LAMA5: variants seen among roughly 807,000 people sequenced by gnomAD.
LAMA5 encodes the protein laminin subunit alpha-5.
Under a neutral mutation model 433.4 loss-of-function variants are expected in LAMA5, and 260 were observed. The observed-to-expected ratio is 0.60, with a 90% confidence interval of 0.54 to 0.66. The LOEUF (loss-of-function observed/expected upper bound fraction) is 0.66, where lower values mean the gene tolerates loss of function less well. Among genes scored for constraint, LAMA5 ranks in the 30% least tolerant of loss-of-function variants. LAMA5 has a pLI of 0.00. For missense variants in LAMA5, 5,378 were observed against 5,258.5 expected (o/e 1.02, Z -0.70); for synonymous variants, 2,620 against 2,226.6 (o/e 1.18, Z -4.97).
At position 62,313,861 on chromosome 20, in the gene LAMA5, G is replaced by A. The variant is rs556138357; in HGVS notation, c.8505-59C>T. On this transcript the variant is annotated intron_variant, in intron 62 of 79. Transcript: ENST00000252999. ...CGGAGAGATGAGGGGTGGCGAGTGG[G>A]CACGGAGAGATGAGGGGTGGCGAGT... The A allele has an allele frequency of 3.7e-4, 539 of 1,452,318 alleles. 3 individuals are homozygous for A. The African/African-American group carries it at 5.6e-3, about 15-fold the overall frequency. The allele number at this position is 1,452,318 out of a possible 1,614,324, so 90.0% of individuals were successfully genotyped here. A position where few individuals can be genotyped will look rare whatever the true frequency, so the allele number is the denominator to read the frequency against.
At chr20:62,315,313 A>C in intron 58 of LAMA5, 106 bp from the exon 59 acceptor site, 2 of 979,056 alleles carry the variant, frequency 2.0e-6, no homozygotes, top group South Asian at 1.6e-5. Flanking sequence ...CCAACCCCCT[A>C]TGGATCGTGT....
Position 62,367,019 on chromosome 20 carries a change from G to A in LAMA5, c.227C>T (p.Pro76Leu), listed in dbSNP as rs1986808308. Residue 76 changes from proline (P) to leucine (L), a missense_variant, in exon 1 of 80, where the codon CCC becomes CTC. By Grantham distance (98) the Pro-to-Leu change is moderately conservative. Coordinates refer to ENST00000252999, the MANE Select transcript of LAMA5 (RefSeq NM_005560.6). ...EEAPARGSPRPTEDLYCKLVG... is the reference protein window; with the variant it reads ...EEAPARGSPRLTEDLYCKLVG... The stretch of plus-strand genomic sequence containing the variant: ...CAGCTTGCAGTAAAGGTCCTCGGTG[G>A]GGCGCGGGGAGCCGCGCGCCGGGGC... The A allele has an allele frequency of 7.8e-7, 1 of 1,280,538 alleles. No individual in the cohort carries two copies. The highest frequency in any genetic ancestry group is 9.8e-7 in the Non-Finnish European group (1 of 1,016,172). 79.3% of individuals were successfully genotyped at this position (1,280,538 alleles called of 1,614,324 possible). A position where few individuals can be genotyped will look rare whatever the true frequency, so the allele number is the denominator to read the frequency against.
At chr20:62,366,835 C>T (rs993324687) in intron 1 of LAMA5, 114 bp downstream of exon 1, 5 of 1,220,572 alleles carry the variant, frequency 4.1e-6, no homozygotes, top group East Asian at 6.4e-5. Context: ...AATGCGGAAC[C>T]AGAGAGTCCG....
At chr20:62,315,739 G>C (rs1986869246) in intron 58 of LAMA5, among the ~76,000 whole-genome samples, 1 of 152,186 alleles carries the variant, frequency 6.6e-6, no homozygotes, top group African/African-American at 2.4e-5. Context: ...GCACTTCCAA[G>C]CTTGCCAGGC....
chr20:62,321,346 A>C (rs59710383), intron 48 of LAMA5, among the ~76,000 whole-genome samples: 7,601 of 19,410 alleles, frequency 0.39, 2,263 homozygotes, highest in East Asian at 0.73. Context: ...CAGCCAGTGG[A>C]AGAGGTGGGG....
At chr20:62,360,675 T>TG (rs1986027648) in intron 2 of LAMA5, among the ~76,000 whole-genome samples, 5 of 48,094 alleles carry the variant, frequency 1.0e-4, no homozygotes, top group Non-Finnish European at 1.1e-4. Context: ...GGTGGGTGGG[T>TG]GGAGGGACCA....
Position 62,330,927 on chromosome 20 carries a change from G to C in LAMA5, c.3668C>G (p.Ser1223Trp). ...GGGCTGGGGCGGCTTTGGGAAGCGC[G>C]AGGGCAGACAGGCGGCACTGGTGAG... ...FGPNSAACLP[S>W]RFPKPPQPII... is the part of the protein sequence containing the mutation. The change falls in exon 30 of 80, where the codon TCG becomes TGG. Residue 1223 changes from serine to tryptophan, a missense_variant. Coordinates refer to ENST00000252999, the MANE Select transcript of LAMA5 (RefSeq NM_005560.6). 1 of 1,551,362 alleles carries C rather than the reference G, an allele frequency of 6.4e-7. No individual in the cohort carries two copies. Among genetic ancestry groups the C allele is most frequent in the Admixed American group, 2.0e-5 (1 of 51,102 alleles).
chr20:62,317,721 C>A lies in LAMA5; in HGVS notation c.7297G>T (p.Ala2433Ser). The change falls in exon 54 of 80, where the codon GCT (alanine) becomes TCT (serine). Residue 2433 changes from alanine to serine, a missense_variant. Ala to Ser is a moderately conservative substitution (Grantham distance 99). Transcript: ENST00000252999. The part of the protein sequence containing the change: ...NATLQATLHA[A>S]RDTLASVFRL... The stretch of plus-strand genomic sequence containing the variant: ...AAGACGCTGGCCAGGGTGTCCCTAG[C>A]CGCATGCAGAGTGGCCTGCAGGGTG... 2.5e-6 allele frequency: 4 copies of A among 1,606,976 alleles called. No homozygotes were observed. The highest frequency in any genetic ancestry group is 1.7e-4 in the Middle Eastern group (1 of 5,730).
intron 57 of LAMA5, 37 bp from the exon 58 acceptor site, chr20:62,316,095 AC>A (rs773973355): frequency 1.2e-5 from 18 of 1,454,518 alleles, no homozygotes; most frequent in African/African-American, 2.8e-5. Flanking sequence ...AGGCAGCTTC[AC>A]CCCCAGTATA....
Position 62,332,442 on chromosome 20 carries a change from T to TG in LAMA5, c.3481dup (p.His1161ProfsTer33). 6.2e-7 allele frequency: 1 copy of TG among 1,612,726 alleles called. No individual in the cohort carries two copies. The highest frequency in any genetic ancestry group is 1.1e-5 in the South Asian group (1 of 91,082). ...CGAGTCCAGGTGGAAGACAGCCAGG[T>TG]GGTCCTGGGTATCCCGGGCAGTGCC... On this transcript the variant is annotated frameshift_variant, in exon 28 of 80. Transcript: ENST00000252999. LOFTEE classifies it high-confidence loss of function.
In LAMA5 at chr20:62,309,226, G is replaced by T. The variant is rs11557150; in HGVS notation, c.*110C>A. 1 of 1,064,518 alleles carries T rather than the reference G, an allele frequency of 9.4e-7. No individual in the cohort carries two copies. Among genetic ancestry groups the T allele is most frequent in the Non-Finnish European group, 1.3e-6 (1 of 765,420 alleles). The allele number at this position is 1,064,518 out of a possible 1,614,324, so 65.9% of individuals were successfully genotyped here. ...TAACTTAAACCATCTTCAGAAACAA[G>T]ATCTGTCACCCGTAGAGCTTAGAGT... On this transcript the variant is annotated 3_prime_UTR_variant, in exon 80 of 80. Transcript: ENST00000252999.
At chr20:62,311,890 T>C in intron 70 of LAMA5, 30 bp downstream of exon 70, 1 of 1,557,426 alleles carries the variant, frequency 6.4e-7, no homozygotes, top group East Asian at 2.4e-5. Flanking sequence ...CTCCAGACCT[T>C]CACGATGAGG....
chr20:62,330,374 G>T, intron 31 of LAMA5, 114 bp downstream of exon 31: 1 of 1,366,726 alleles, frequency 7.3e-7, no homozygotes, highest in Non-Finnish European at 9.7e-7. Context: ...CTGATGGCAG[G>T]ACAGAGTCAT....
intron 32 of LAMA5, 50 bp downstream of exon 32, chr20:62,329,727 A>C: frequency 6.2e-7 from 1 of 1,602,650 alleles, no homozygotes; most frequent in East Asian, 2.2e-5. Flanking sequence ...AGTGGTAATG[A>C]CAAGTATAAG....
chr20:62,366,839 G>C, intron 1 of LAMA5, 110 bp downstream of exon 1: 1 of 1,222,168 alleles, frequency 8.2e-7, no homozygotes, highest in Non-Finnish European at 1.0e-6. Context: ...CGGAACCAGA[G>C]AGTCCGCACC....
rs766314060 is a variant in LAMA5 at position 62,309,501 on chromosome 20, AGGCT to A, written c.10949-30_10949-27del. 4 of 1,550,178 alleles carry A rather than the reference AGGCT, an allele frequency of 2.6e-6. No homozygotes were observed. In the African/African-American group the frequency reaches 5.4e-5, roughly 21 times the overall value. On this transcript the variant is annotated intron_variant, in intron 79 of 79. Transcript: ENST00000252999. ...CTGGGGGCACAGGGAAGATGGAAGA[AGGCT>A]GGTTGGTGGGCAGCTAGAGACCCAC... is the stretch of plus-strand genomic sequence containing the variant.
rs573783398 is a variant in LAMA5, at chr20:62,313,849, G to A, written c.8505-47C>T. ...GGCGAGTGGGCACGGAGAGATGAGG[G>A]GTGGCGAGTGGGCACGGAGAGATGA... On this transcript the variant is annotated intron_variant, in intron 62 of 79. Transcript: ENST00000252999. 9.6e-6 allele frequency: 15 copies of A among 1,567,868 alleles called. No individual in the cohort carries two copies. The East Asian group carries it at 2.3e-4, about 24-fold the overall frequency.
At position 62,310,528 on chromosome 20, in the gene LAMA5, G is replaced by A. The variant is rs566730911; in HGVS notation, c.10491C>T (p.His3497=). The change falls in exon 76 of 80, where the codon CAC becomes CAT. Residue 3497 remains histidine, a synonymous_variant. Coordinates refer to ENST00000252999, the MANE Select transcript of LAMA5 (RefSeq NM_005560.6). The part of the protein sequence containing the change: ...FSGCVKRLRL[H]GRPLGAPTRM... ...GTGTGGGGGCCCCCAGGGGCCTCCC[G>A]TGCAGCCTCAGTCTCTTCACACAGC... The A allele has an allele frequency of 7.7e-6, 12 of 1,553,092 alleles. No individual in the cohort carries two copies. The Admixed American group carries it at 8.1e-5, about 10-fold the overall frequency.
Position 62,338,290 on chromosome 20 carries a change from G to C in LAMA5, c.1698C>G (p.Phe566Leu). ...CACAGCGATCACATGTGGCCCCCTC[G>C]AAGCCCACTCGGCACCTGCACTGGC... ...DTGQCRCRVG[F>L]EGATCDRCAP... Residue 566 changes from phenylalanine to leucine, a missense_variant, in exon 13 of 80, where the codon TTC becomes TTG. Phe to Leu is a conservative substitution (Grantham distance 22, BLOSUM62 0). Coordinates refer to ENST00000252999, the MANE Select transcript of LAMA5 (RefSeq NM_005560.6). 6.2e-7 allele frequency: 1 copy of C among 1,603,584 alleles called. No homozygotes were observed. The highest frequency in any genetic ancestry group is 8.5e-7 in the Non-Finnish European group (1 of 1,175,446).
Sources: gnomAD v4.1 joint callset for allele counts (sites outside exome capture counted in the v4.1 genomes callset) on GRCh38, gnomAD v4.1.1 for gene constraint, MANE v1.5 for transcripts, NCBI Gene and HGNC (gene_info 2026-07-23, HGNC 2026-07-21) for gene names.